FER: variants seen among roughly 807,000 people sequenced by gnomAD.
FER encodes FER tyrosine kinase.
A neutral mutation model predicts 111.0 loss-of-function variants in FER; 63 were observed. The observed-to-expected ratio is 0.57, with a 90% CI of 0.46 to 0.70. The LOEUF is 0.70. Among genes scored for constraint, FER ranks in the 30% least tolerant of loss-of-function variants. The probability of loss-of-function intolerance (pLI) is 0.00; values close to 1 mark genes in which losing one functional copy is unlikely to be tolerated. For synonymous variants in FER, 327 were observed against 313.9 expected, an observed-to-expected ratio of 1.04 and a Z score of -0.44; for missense variants, 914 against 954.0, an observed-to-expected ratio of 0.96 and a Z score of 0.55.
intron 13 of FER, among the ~76,000 whole-genome samples, chr5:108,974,940 G>A (rs1176443144): frequency 6.6e-6 from 1 of 152,118 alleles, no homozygotes; most frequent in Non-Finnish European, 1.5e-5. Context: ...ATAAATTTGT[G>A]TTTACTATAA....
intron 13 of FER, among the ~76,000 whole-genome samples, chr5:108,964,114 T>C (rs1246452810): frequency 3.3e-5 from 5 of 152,176 alleles, no homozygotes; most frequent in Admixed American, 6.5e-5. Flanking sequence ...AAAATATATG[T>C]GATTCAGTAT....
rs547024452 is a variant in FER, at chr5:109,098,500, C to T, written c.1925-1896C>T. ...GTTAGTCTGTAGCTCAGACAGAATACTATGTGGTTTCAAAAGCAGAAGGGT... is the reference window on the plus strand; with the variant it reads ...GTTAGTCTGTAGCTCAGACAGAATATTATGTGGTTTCAAAAGCAGAAGGGT... On this transcript the variant is annotated intron_variant, in intron 16 of 19. Transcript: ENST00000281092. Among the ~76,000 whole-genome samples the T allele has an allele frequency of 2.6e-5, 4 of 151,550 alleles. No individual in the cohort carries two copies. The East Asian group carries it at 7.7e-4, about 29-fold the overall frequency.
At chr5:109,139,180 T>A (rs1753230682) in intron 17 of FER, among the ~76,000 whole-genome samples, 1 of 151,984 alleles carries the variant, frequency 6.6e-6, no homozygotes, top group African/African-American at 2.4e-5. Flanking sequence ...TCAAGGATGG[T>A]ATATAGGAGT....
At chr5:108,822,749 T>TTTTA (rs1333607990) in intron 3 of FER, among the ~76,000 whole-genome samples, 35 of 91,346 alleles carry the variant, frequency 3.8e-4, no homozygotes, top group Middle Eastern at 5.6e-3. Context: ...TTTTATTTTA[T>TTTTA]TTTATTTTAT....
chr5:109,014,119 G>T (rs1277350380), intron 13 of FER, among the ~76,000 whole-genome samples: 1 of 150,872 alleles, frequency 6.6e-6, no homozygotes, highest in African/African-American at 2.4e-5. Context: ...GGCTTTTGTT[G>T]CCATTGCTTT....
At chr5:108,810,808 C>T (rs1757679782) in intron 3 of FER, among the ~76,000 whole-genome samples, 1 of 152,158 alleles carries the variant, frequency 6.6e-6, no homozygotes, top group Non-Finnish European at 1.5e-5. Flanking sequence ...GCAGGTGTTT[C>T]AGCTGTCTGG....
intron 9 of FER, among the ~76,000 whole-genome samples, chr5:108,891,895 A>G (rs1175912015): frequency 6.6e-6 from 1 of 151,730 alleles, no homozygotes; most frequent in African/African-American, 2.4e-5. Flanking sequence ...ATTCCCACCT[A>G]TGAGTGAGAA....
intron 17 of FER, among the ~76,000 whole-genome samples, chr5:109,167,638 A>T (rs1756691804): frequency 6.6e-6 from 1 of 152,214 alleles, no homozygotes; most frequent in South Asian, 2.1e-4. Flanking sequence ...TTGTAACTAC[A>T]GTTCTTAAAC....
At chr5:109,063,330 C>T (rs190717291) in intron 16 of FER, among the ~76,000 whole-genome samples, 1 of 152,136 alleles carries the variant, frequency 6.6e-6, no homozygotes, top group East Asian at 1.9e-4. Flanking sequence ...TATGTGACTT[C>T]ACAGCTCTGG....
chr5:108,957,405 T>C (rs1758567503), intron 12 of FER, among the ~76,000 whole-genome samples: 1 of 151,428 alleles, frequency 6.6e-6, no homozygotes, highest in African/African-American at 2.4e-5. Context: ...CAATAAAACA[T>C]CATTTTATCC....
intron 16 of FER, among the ~76,000 whole-genome samples, chr5:109,055,790 CAA>C (rs77291685): frequency 0.021 from 1,545 of 72,444 alleles, 28 homozygotes; most frequent in African/African-American, 0.068. Context: ...AACCTTGTCT[CAA>C]AAAAAAAAAA....
intron 3 of FER, among the ~76,000 whole-genome samples, chr5:108,802,219 A>C (rs1756735276): frequency 6.6e-6 from 1 of 152,082 alleles, no homozygotes; most frequent in South Asian, 2.1e-4. Flanking sequence ...CACCTTACCA[A>C]TCATTTTTTT....
chr5:108,840,328 T>C (rs1200967268), intron 5 of FER, among the ~76,000 whole-genome samples: 2 of 152,206 alleles, frequency 1.3e-5, no homozygotes, highest in African/African-American at 4.8e-5. Context: ...ATAGCTATTT[T>C]CACCATTGAA....
intron 13 of FER, among the ~76,000 whole-genome samples, chr5:108,984,935 A>G (rs1391129375): frequency 2.0e-5 from 3 of 152,122 alleles, no homozygotes; most frequent in Admixed American, 2.0e-4. Context: ...GGACATGGAG[A>G]TAAGACATTT....
At chr5:109,134,202 C>T (rs930572970) in intron 17 of FER, among the ~76,000 whole-genome samples, 5 of 151,884 alleles carry the variant, frequency 3.3e-5, no homozygotes, top group Admixed American at 2.0e-4. Context: ...AATAAAAGCT[C>T]GAATACCCAA....
chr5:108,788,586 C>G (rs1300553867), intron 2 of FER, among the ~76,000 whole-genome samples: 1 of 147,412 alleles, frequency 6.8e-6, no homozygotes, highest in African/African-American at 2.5e-5. Flanking sequence ...CCCCTGTTAT[C>G]TTTTTGCTTA....
At chr5:108,854,542 A>G (rs1289826258) in intron 5 of FER, among the ~76,000 whole-genome samples, 13 of 152,204 alleles carry the variant, frequency 8.5e-5, no homozygotes, top group Non-Finnish European at 2.9e-5. Flanking sequence ...CTGACCTGGA[A>G]TGCAATGCAT....
intron 17 of FER, among the ~76,000 whole-genome samples, chr5:109,119,737 A>G (rs1487852283): frequency 6.6e-6 from 1 of 152,036 alleles, no homozygotes. Context: ...ATTCCTACAG[A>G]TAGTGTACCA....
chr5:108,835,638 G>T, intron 4 of FER, 70 bp from the exon 5 acceptor site: 1 of 985,562 alleles, frequency 1.0e-6, no homozygotes, highest in Non-Finnish European at 1.5e-6. Flanking sequence ...TTAATACTTT[G>T]GAATTTAAGT....
Sources: gnomAD v4.1 joint callset for allele counts (sites outside exome capture counted in the v4.1 genomes callset) on GRCh38, gnomAD v4.1.1 for gene constraint, MANE v1.5 for transcripts, NCBI Gene and HGNC (gene_info 2026-07-23, HGNC 2026-07-21) for gene names.